UBE2F: variants seen among roughly 807,000 people sequenced by gnomAD.
UBE2F encodes the protein ubiquitin conjugating enzyme E2 F (putative), also known as NEDD8-conjugating enzyme UBE2F.
In UBE2F, 5 loss-of-function variants were observed where a neutral mutation model predicts 29.6. The observed-to-expected ratio is 0.17, with a 90% CI of 0.09 to 0.36. The LOEUF is 0.36. Ranked by LOEUF, UBE2F falls within the 10% of genes least tolerant of loss-of-function variation. UBE2F has a pLI of 1.00. For synonymous variants in UBE2F, 66 were observed against 81.8 expected (o/e 0.81, Z 1.04); for missense variants, 141 against 228.5 (o/e 0.62, Z 2.47).
intron 2 of UBE2F, among the ~76,000 whole-genome samples, chr2:237,981,461 C>G (rs1243456647): frequency 2.0e-5 from 3 of 152,090 alleles, no homozygotes; most frequent in Non-Finnish European, 4.4e-5. Context: ...CTTGCTTGCA[C>G]TATCTCTTGG....
At chr2:237,999,274 T>C (rs1447911913) in intron 4 of UBE2F, among the ~76,000 whole-genome samples, 2 of 152,272 alleles carry the variant, frequency 1.3e-5, no homozygotes, top group Admixed American at 1.3e-4. Context: ...TTTGCTGTGT[T>C]GGCCAGGATG....
chr2:237,979,569 G>T (rs902438843), intron 2 of UBE2F, among the ~76,000 whole-genome samples: 1 of 152,230 alleles, frequency 6.6e-6, no homozygotes, highest in Admixed American at 6.5e-5. Context: ...CCGCTGGGAG[G>T]TTCTGTGCTA....
intron 5 of UBE2F, among the ~76,000 whole-genome samples, chr2:238,024,149 T>A (rs1254698693): frequency 1.3e-5 from 2 of 152,226 alleles, no homozygotes; most frequent in Non-Finnish European, 2.9e-5. Flanking sequence ...AAAAGAGGCA[T>A]AAACACATGT....
intron 4 of UBE2F, among the ~76,000 whole-genome samples, chr2:238,002,638 A>C (rs1053044013): frequency 2.0e-5 from 3 of 151,852 alleles, no homozygotes; most frequent in East Asian, 3.9e-4. Flanking sequence ...TTGAGACGGA[A>C]TCTCACTCCA....
At chr2:237,996,239 G>T (rs2063689904) in intron 4 of UBE2F, among the ~76,000 whole-genome samples, 1 of 152,106 alleles carries the variant, frequency 6.6e-6, no homozygotes. Flanking sequence ...ATTAAGATTG[G>T]TTCTCTGTTT....
At chr2:238,024,772 C>G (rs1350311674) in intron 5 of UBE2F, among the ~76,000 whole-genome samples, 1 of 152,224 alleles carries the variant, frequency 6.6e-6, no homozygotes, top group Non-Finnish European at 1.5e-5. Flanking sequence ...CCCACAAATT[C>G]ATTTTCATTC....
chr2:238,018,965 T>TGTTTCCCTTATTA (rs1009892543), intron 5 of UBE2F, among the ~76,000 whole-genome samples: 1 of 152,170 alleles, frequency 6.6e-6, no homozygotes, highest in African/African-American at 2.4e-5. Flanking sequence ...CTTGAAGACT[T>TGTTTCCCTTATTA]GTTTCCCTTA....
At chr2:238,026,727 C>T (rs548372451) in intron 6 of UBE2F, among the ~76,000 whole-genome samples, 4 of 152,244 alleles carry the variant, frequency 2.6e-5, no homozygotes, top group African/African-American at 7.2e-5. Context: ...GCCACCGCGC[C>T]GGGCCGGATG....
At chr2:238,018,016 G>T (rs2064201215) in intron 5 of UBE2F, among the ~76,000 whole-genome samples, 1 of 152,202 alleles carries the variant, frequency 6.6e-6, no homozygotes, top group African/African-American at 2.4e-5. Flanking sequence ...AATTTATGGG[G>T]ATAGGGAAGA....
At chr2:237,979,249 G>T (rs1453210902) in intron 2 of UBE2F, among the ~76,000 whole-genome samples, 1 of 152,196 alleles carries the variant, frequency 6.6e-6, no homozygotes, top group Non-Finnish European at 1.5e-5. Context: ...TGTTTTGGCT[G>T]ATGGGAGCTG....
intron 4 of UBE2F, among the ~76,000 whole-genome samples, chr2:238,001,099 ATCTCGGC>A (rs1040663426): frequency 1.3e-4 from 19 of 146,194 alleles, no homozygotes; most frequent in African/African-American, 4.8e-4. Context: ...CAATGGTGCA[ATCTCGGC>A]TCACCGCAAC....
rs760053042 is a variant in UBE2F at position 237,994,804 on chromosome 2, C to A, written c.209C>A (p.Thr70Asn). 2.5e-6 allele frequency: 4 copies of A among 1,613,424 alleles called. No individual in the cohort carries two copies. The highest frequency in any genetic ancestry group is 3.4e-6 in the Non-Finnish European group (4 of 1,179,394). Residue 70 changes from threonine (T) to asparagine (N), a missense_variant, in exon 4 of 10, where the codon ACC becomes AAC. Physicochemically the swap from Thr to Asn is moderately conservative, Grantham distance 65 (BLOSUM62 0). Coordinates refer to ENST00000272930, the MANE Select transcript of UBE2F (RefSeq NM_080678.3). Reference sequence around the variant, plus strand: ...CTTCATTGTTTTCAGCTAACAGTAACCCCAGGTAATATTCTTACATAAGTA... The same window carrying A: ...CTTCATTGTTTTCAGCTAACAGTAAACCCAGGTAATATTCTTACATAAGTA... ...NKLHCFQLTVTPDEGYYQGGK... is the reference protein window; with the variant it reads ...NKLHCFQLTVNPDEGYYQGGK...
At chr2:238,013,316 C>A (rs1455185659) in intron 4 of UBE2F, among the ~76,000 whole-genome samples, 1 of 151,870 alleles carries the variant, frequency 6.6e-6, no homozygotes, top group Non-Finnish European at 1.5e-5. Flanking sequence ...TAGGGAAAAG[C>A]GAATGGAGAC....
intron 4 of UBE2F, among the ~76,000 whole-genome samples, chr2:238,014,126 C>G (rs1291960867): frequency 6.6e-6 from 1 of 152,198 alleles, no homozygotes; most frequent in Non-Finnish European, 1.5e-5. Flanking sequence ...AAGCTGGGGA[C>G]ATCGTGAAGG....
intron 4 of UBE2F, among the ~76,000 whole-genome samples, chr2:237,995,037 C>T (rs1234625578): frequency 6.6e-6 from 1 of 152,146 alleles, no homozygotes; most frequent in East Asian, 1.9e-4. Flanking sequence ...ATAAATATAA[C>T]TAAAGTTAAT....
At chr2:238,019,499 T>C (rs2064241025) in intron 5 of UBE2F, among the ~76,000 whole-genome samples, 1 of 152,030 alleles carries the variant, frequency 6.6e-6, no homozygotes, top group Non-Finnish European at 1.5e-5. Context: ...CCTGAGGAGC[T>C]GGGATTACAC....
At chr2:238,002,577 A>C (rs1242873197) in intron 4 of UBE2F, among the ~76,000 whole-genome samples, 1 of 151,422 alleles carries the variant, frequency 6.6e-6, no homozygotes, top group Non-Finnish European at 1.5e-5. Context: ...CAGTTGGTAA[A>C]CCTGAAACCT....
intron 4 of UBE2F, among the ~76,000 whole-genome samples, chr2:238,009,342 A>G (rs574304906): frequency 7.9e-5 from 12 of 152,304 alleles, no homozygotes; most frequent in Non-Finnish European, 1.3e-4. Context: ...ACTCTAGTTT[A>G]TATATCTATA....
chr2:237,970,020 A>G (rs1050088287), intron 1 of UBE2F, among the ~76,000 whole-genome samples: 2 of 152,158 alleles, frequency 1.3e-5, no homozygotes, highest in Non-Finnish European at 2.9e-5. Flanking sequence ...TAAATTGCCC[A>G]TATTTAAATT....
Sources: allele counts gnomAD v4.1 joint callset (sites outside exome capture counted in the v4.1 genomes callset), GRCh38; gene constraint gnomAD v4.1.1; transcripts MANE v1.5; gene names NCBI Gene and HGNC (gene_info 2026-07-23, HGNC 2026-07-21).